The following CADPS variants were observed in gnomAD, a reference collection of about 807,000 sequenced individuals.
CADPS encodes the protein calcium dependent secretion activator, also known as calcium-dependent secretion activator 1.
A neutral mutation model predicts 167.3 loss-of-function variants in CADPS; 57 were observed. The ratio of observed to expected loss-of-function variants is 0.34; its 90% confidence interval spans 0.28 to 0.42. CADPS has a LOEUF of 0.42. CADPS is among the 20% of genes least tolerant of loss of function. The pLI is 1.00. For synonymous variants in CADPS, 676 were observed against 635.3 expected (o/e 1.06, Z -0.96); for missense variants, 1,414 against 1,738.1 (o/e 0.81, Z 3.32).
chr3:62,570,768 T>G (rs1453896410), intron 9 of CADPS, 104 bp downstream of exon 9: 8 of 789,112 alleles, frequency 1.0e-5, no homozygotes, highest in Non-Finnish European at 1.7e-5. Flanking sequence ...TTAAGCTAAA[T>G]GCATGAGCTC....
rs1196212867 is a variant in CADPS at position 62,420,899 on chromosome 3, CACAG to C, written c.3777+17201_3777+17204del. 3.5e-4 allele frequency among the ~76,000 whole-genome samples: 40 copies of C among 114,174 alleles called. No individual in the cohort carries two copies. The highest frequency in any genetic ancestry group is 1.3e-3 in the African/African-American group (30 of 23,498). 74.9% of individuals were successfully genotyped at this position (114,174 alleles called of 152,430 possible). A position where few individuals can be genotyped will look rare whatever the true frequency, so the allele number is the denominator to read the frequency against. On this transcript the variant is annotated intron_variant, in intron 28 of 29. Transcript: ENST00000383710. This position sits in a 1 kb window ranked among gnomAD's most constrained non-coding sequence, Gnocchi z 4.1. Reference sequence around the variant, plus strand: ...ACACACACACACACACACACACACACACAGGCACACACACACACACTTGCCAGAT... The same window carrying C: ...ACACACACACACACACACACACACACGCACACACACACACACTTGCCAGAT...
chr3:62,801,300 T>A (rs1201181652), intron 1 of CADPS, among the ~76,000 whole-genome samples: 2 of 152,114 alleles, frequency 1.3e-5, no homozygotes, highest in African/African-American at 4.8e-5. Flanking sequence ...GCCCCACAAC[T>A]GTTCTTTGGT....
intron 1 of CADPS, among the ~76,000 whole-genome samples, chr3:62,797,114 C>T (rs1439274775): frequency 1.3e-5 from 2 of 152,132 alleles, no homozygotes; most frequent in African/African-American, 4.8e-5. Flanking sequence ...TATTATCCAA[C>T]CCAAAAGTTT....
intron 1 of CADPS, among the ~76,000 whole-genome samples, chr3:62,845,754 T>G (rs2077318266): frequency 6.6e-6 from 1 of 152,200 alleles, no homozygotes; most frequent in East Asian, 1.9e-4. Context: ...TGAAGAAACC[T>G]GGTATTTTAT....
chr3:62,629,674 T>C (rs2064874598), intron 6 of CADPS, among the ~76,000 whole-genome samples: 1 of 152,188 alleles, frequency 6.6e-6, no homozygotes. Context: ...ATCAAAGACC[T>C]TTCGTGTCCT....
intron 1 of CADPS, among the ~76,000 whole-genome samples, chr3:62,780,502 C>T (rs1317983999): frequency 3.3e-5 from 5 of 152,128 alleles, no homozygotes; most frequent in Non-Finnish European, 7.4e-5. Flanking sequence ...CATTGTGTAA[C>T]AAGCTTGGAG....
intron 6 of CADPS, among the ~76,000 whole-genome samples, chr3:62,635,262 A>G (rs2149794390): frequency 6.6e-6 from 1 of 152,298 alleles, no homozygotes; most frequent in East Asian, 1.9e-4. Flanking sequence ...AAACAAGGTG[A>G]CATCACATGG....
intron 28 of CADPS, among the ~76,000 whole-genome samples, chr3:62,431,153 C>T (rs865778622): frequency 5.9e-5 from 9 of 152,132 alleles, no homozygotes; most frequent in African/African-American, 1.4e-4. Flanking sequence ...TTGATAACCT[C>T]GGGGAAAATC....
chr3:62,430,885 T>C (rs1157235372), intron 28 of CADPS, among the ~76,000 whole-genome samples: 1 of 152,080 alleles, frequency 6.6e-6, no homozygotes, highest in Non-Finnish European at 1.5e-5. Flanking sequence ...TGCCAGAGTT[T>C]ACTTTGGGGC....
intron 1 of CADPS, among the ~76,000 whole-genome samples, chr3:62,855,824 A>G (rs992053537): frequency 6.6e-6 from 1 of 152,192 alleles, no homozygotes; most frequent in African/African-American, 2.4e-5. Flanking sequence ...TCTTAAAAGA[A>G]GAGAAAAAAA....
At chr3:62,700,820 A>C (rs35240337) in intron 3 of CADPS, among the ~76,000 whole-genome samples, 12,073 of 152,192 alleles carry the variant, frequency 0.079, 633 homozygotes, top group Non-Finnish European at 0.12. Flanking sequence ...GAACTGTCTC[A>C]GTCAGTTTGG....
intron 23 of CADPS, among the ~76,000 whole-genome samples, chr3:62,475,038 A>T (rs1482323011): frequency 6.6e-6 from 1 of 152,214 alleles, no homozygotes; most frequent in Non-Finnish European, 1.5e-5. Context: ...TTATTTTATG[A>T]TTTAAAATGT....
intron 6 of CADPS, among the ~76,000 whole-genome samples, 173 bp from the exon 7 acceptor site, chr3:62,592,921 G>C (rs2086378174): frequency 6.6e-6 from 1 of 152,212 alleles, no homozygotes; most frequent in South Asian, 2.1e-4. Context: ...TAATTAACTT[G>C]TTAGGCAAAT....
chr3:62,696,463 C>T (rs1256135062), intron 3 of CADPS, among the ~76,000 whole-genome samples: 1 of 151,994 alleles, frequency 6.6e-6, no homozygotes, highest in African/African-American at 2.4e-5. Flanking sequence ...CCCATAGGGC[C>T]CTGCCTCTGA....
intron 1 of CADPS, among the ~76,000 whole-genome samples, chr3:62,834,698 A>G (rs549417958): frequency 6.6e-6 from 1 of 152,212 alleles, no homozygotes; most frequent in Non-Finnish European, 1.5e-5. Flanking sequence ...CCAAGTATTC[A>G]GTAGTATAAG....
intron 9 of CADPS, among the ~76,000 whole-genome samples, chr3:62,566,810 T>C: frequency 6.6e-6 from 1 of 152,110 alleles, no homozygotes; most frequent in Non-Finnish European, 1.5e-5. Context: ...CTGAAACAGA[T>C]TTTTTTGGGG....
In CADPS at chr3:62,822,165, G is replaced by T. The variant is rs564367270; in HGVS notation, c.441+52424C>A. 3.3e-5 allele frequency among the ~76,000 whole-genome samples: 5 copies of T among 152,164 alleles called. No individual in the cohort carries two copies. In the East Asian group the frequency reaches 9.7e-4, roughly 29 times the overall value. On this transcript the variant is annotated intron_variant, in intron 1 of 29. Transcript: ENST00000383710. ...CTGAGATAATTTCCCTTTTGCCATA[G>T]AACTTAGCATTATCAAGGGAATGCT...
chr3:62,793,614 C>G (rs971218276), intron 1 of CADPS, among the ~76,000 whole-genome samples: 1 of 152,150 alleles, frequency 6.6e-6, no homozygotes, highest in Non-Finnish European at 1.5e-5. Context: ...AACCAGTTAT[C>G]TCATATTGAT....
At chr3:62,550,373 G>T (rs2077130604) in intron 10 of CADPS, among the ~76,000 whole-genome samples, 2 of 151,874 alleles carry the variant, frequency 1.3e-5, no homozygotes, top group Admixed American at 1.3e-4. Context: ...CTGCTTGGGG[G>T]ATAAACATCT....
Sources: gnomAD v4.1 joint callset for allele counts (sites outside exome capture counted in the v4.1 genomes callset) on GRCh38, gnomAD v4.1.1 for gene constraint, Gnocchi (gnomAD v3.1) non-coding constraint, MANE v1.5 for transcripts, NCBI Gene and HGNC (gene_info 2026-07-23, HGNC 2026-07-21) for gene names.